Variants in FSTL5 observed in about 807,000 individuals in gnomAD.
The protein encoded by FSTL5 is follistatin like 5.
FSTL5 carries 62 observed loss-of-function variants against 89.1 expected under a neutral mutation model. The observed-to-expected ratio is 0.70, with a 90% confidence interval of 0.57 to 0.86. The LOEUF is 0.86. FSTL5 is among the 40% of genes least tolerant of loss of function. The pLI, the probability that FSTL5 is intolerant of heterozygous loss-of-function variation, is 0.00. For missense variants in FSTL5, 1,057 were observed against 1,001.6 expected, an observed-to-expected ratio of 1.06 and a Z score of -0.75; for synonymous variants, 383 against 346.2, an observed-to-expected ratio of 1.11 and a Z score of -1.18.
intron 6 of FSTL5, among the ~76,000 whole-genome samples, chr4:161,720,228 A>C (rs1739146760): frequency 6.7e-6 from 1 of 149,376 alleles, no homozygotes; most frequent in Non-Finnish European, 1.5e-5. Flanking sequence ...AAATCCAATT[A>C]AAAGACATAC....
intron 13 of FSTL5, among the ~76,000 whole-genome samples, chr4:161,469,314 C>A (rs28439817): frequency 6.6e-6 from 1 of 152,072 alleles, no homozygotes; most frequent in Admixed American, 6.5e-5. Flanking sequence ...TTTATCTATT[C>A]ATCTGTCAAC....
chr4:161,586,184 T>C (rs1023057597), intron 8 of FSTL5, among the ~76,000 whole-genome samples: 2 of 152,186 alleles, frequency 1.3e-5, no homozygotes, highest in African/African-American at 2.4e-5. Flanking sequence ...TGACTTCATA[T>C]CCATTTATAT....
At chr4:162,069,100 T>A (rs575716413) in intron 2 of FSTL5, among the ~76,000 whole-genome samples, 1 of 152,220 alleles carries the variant, frequency 6.6e-6, no homozygotes, top group Admixed American at 6.6e-5. Context: ...TTGGTGGGAA[T>A]GCAAATTAGT....
At chr4:161,663,389 G>T (rs759483440) in intron 6 of FSTL5, among the ~76,000 whole-genome samples, 1 of 152,128 alleles carries the variant, frequency 6.6e-6, no homozygotes. Flanking sequence ...TTGGGTAAAT[G>T]GAGCCATTCC....
At chr4:162,035,801 A>C (rs921716779) in intron 2 of FSTL5, among the ~76,000 whole-genome samples, 2 of 152,152 alleles carry the variant, frequency 1.3e-5, no homozygotes, top group African/African-American at 2.4e-5. Flanking sequence ...GGCTGTGACA[A>C]AAACATAGAA....
rs569282500 is a variant in FSTL5, at chr4:161,808,296, A to C, written c.410-32222T>G. On this transcript the variant is annotated intron_variant, in intron 4 of 15. Coordinates refer to ENST00000306100, the MANE Select transcript of FSTL5 (RefSeq NM_020116.5). ...AAAAATCAAACATAGAATTACCATA[A>C]GATCCAGCAACTCCACTTATAGGCA... 1.1e-4 allele frequency among the ~76,000 whole-genome samples: 16 copies of C among 152,306 alleles called. No individual in the cohort carries two copies. The South Asian group carries it at 3.3e-3, about 32-fold the overall frequency.
At chr4:161,695,580 T>G (rs1001910772) in intron 6 of FSTL5, among the ~76,000 whole-genome samples, 1 of 152,274 alleles carries the variant, frequency 6.6e-6, no homozygotes, top group African/African-American at 2.4e-5. Flanking sequence ...GCTATAAACA[T>G]GCATGTGCAA....
intron 4 of FSTL5, among the ~76,000 whole-genome samples, chr4:161,904,269 G>C (rs1489834955): frequency 6.6e-6 from 1 of 151,934 alleles, no homozygotes; most frequent in Non-Finnish European, 1.5e-5. Flanking sequence ...TGAAATTGCA[G>C]GTGCAAAACA....
chr4:162,110,292 T>C (rs2111404896), intron 2 of FSTL5, among the ~76,000 whole-genome samples: 1 of 152,114 alleles, frequency 6.6e-6, no homozygotes, highest in South Asian at 2.1e-4. Flanking sequence ...CTTCATAAGA[T>C]TGCTTTGAAG....
intron 6 of FSTL5, among the ~76,000 whole-genome samples, chr4:161,676,553 G>A (rs1408842403): frequency 2.0e-5 from 3 of 152,020 alleles, no homozygotes; most frequent in African/African-American, 7.2e-5. Context: ...ACCTAATGTG[G>A]ATGATAGGTT....
chr4:161,638,439 A>G (rs1360759742), intron 7 of FSTL5, among the ~76,000 whole-genome samples: 1 of 152,046 alleles, frequency 6.6e-6, no homozygotes, highest in Non-Finnish European at 1.5e-5. Flanking sequence ...CTCTTTTCCT[A>G]ATTGAATACC....
At chr4:161,711,052 GAA>G (rs1194747921) in intron 6 of FSTL5, among the ~76,000 whole-genome samples, 5 of 152,080 alleles carry the variant, frequency 3.3e-5, no homozygotes, top group Non-Finnish European at 7.4e-5. Flanking sequence ...TGCTTAGAGA[GAA>G]ATTTATATTT....
At chr4:161,646,360 A>C (rs1408311173) in intron 7 of FSTL5, among the ~76,000 whole-genome samples, 3 of 150,760 alleles carry the variant, frequency 2.0e-5, no homozygotes, top group African/African-American at 7.3e-5. Context: ...TAAATATTAA[A>C]AATTCAGCAG....
intron 6 of FSTL5, among the ~76,000 whole-genome samples, chr4:161,702,788 A>G (rs1738441655): frequency 6.6e-6 from 1 of 152,136 alleles, no homozygotes; most frequent in Non-Finnish European, 1.5e-5. Context: ...GACAGCAACT[A>G]GTACAAAGCT....
intron 4 of FSTL5, among the ~76,000 whole-genome samples, chr4:161,869,720 A>T (rs560243379): frequency 6.6e-6 from 1 of 152,354 alleles, no homozygotes; most frequent in East Asian, 1.9e-4. Context: ...AGTTGTGTCA[A>T]TGTTGAGAAA....
chr4:161,828,467 T>C (rs2126858337), intron 4 of FSTL5, among the ~76,000 whole-genome samples: 1 of 152,338 alleles, frequency 6.6e-6, no homozygotes, highest in African/African-American at 2.4e-5. Context: ...TGCAATTTAG[T>C]CCTGCCTTCT....
At chr4:161,600,993 A>G (rs1034080393) in intron 7 of FSTL5, among the ~76,000 whole-genome samples, 1 of 152,176 alleles carries the variant, frequency 6.6e-6, no homozygotes, top group Admixed American at 6.6e-5. Flanking sequence ...ATTCACCTAC[A>G]CTAGGGCATT....
chr4:161,592,362 G>A (rs1733848879), intron 7 of FSTL5, among the ~76,000 whole-genome samples: 1 of 151,920 alleles, frequency 6.6e-6, no homozygotes, highest in African/African-American at 2.4e-5. Context: ...TGCCATGGTG[G>A]TTTGCTGCAC....
intron 3 of FSTL5, among the ~76,000 whole-genome samples, chr4:162,030,968 T>C (rs1451000135): frequency 2.0e-5 from 3 of 152,192 alleles, no homozygotes; most frequent in Non-Finnish European, 4.4e-5. Context: ...TACAAAATTC[T>C]CAATGCATTT....
Sources: gnomAD v4.1 joint callset for allele counts (sites outside exome capture counted in the v4.1 genomes callset) on GRCh38, gnomAD v4.1.1 for gene constraint, MANE v1.5 for transcripts, NCBI Gene and HGNC (gene_info 2026-07-23, HGNC 2026-07-21) for gene names.